Variants in SNTB2 observed in about 807,000 individuals in gnomAD.
SNTB2 encodes the protein beta-2-syntrophin.
Under a neutral mutation model 46.2 loss-of-function variants are expected in SNTB2, and 34 were observed. The observed-to-expected ratio is 0.74, with a 90% CI of 0.56 to 0.98. The LOEUF (loss-of-function observed/expected upper bound fraction) is 0.98. SNTB2 is among the 50% of genes least tolerant of loss of function. SNTB2 has a pLI of 0.00. For missense variants in SNTB2, 603 were observed against 731.4 expected (o/e 0.82, Z 2.02); for synonymous variants, 290 against 312.6 (o/e 0.93, Z 0.76).
chr16:69,200,156 C>T (rs536516314), intron 1 of SNTB2, among the ~76,000 whole-genome samples: 11 of 152,254 alleles, frequency 7.2e-5, no homozygotes, highest in African/African-American at 2.6e-4. Context: ...CCTCGTGATC[C>T]GCCTGCCTCG....
intron 1 of SNTB2, among the ~76,000 whole-genome samples, chr16:69,199,324 GC>G (rs1964137165): frequency 6.6e-6 from 1 of 152,158 alleles, no homozygotes; most frequent in Admixed American, 6.6e-5. Context: ...GATGTGAAGT[GC>G]CAGATAAAAT....
intron 1 of SNTB2, among the ~76,000 whole-genome samples, chr16:69,198,896 G>GTT (rs1206371769): frequency 0.021 from 2,652 of 127,624 alleles, 106 homozygotes; most frequent in African/African-American, 0.07. Context: ...ATATAATAAT[G>GTT]TTTTTTTTTT....
At chr16:69,254,943 G>A (rs1964759197) in intron 2 of SNTB2, among the ~76,000 whole-genome samples, 1 of 152,108 alleles carries the variant, frequency 6.6e-6, no homozygotes, top group African/African-American at 2.4e-5. Flanking sequence ...TCTTAGGATG[G>A]AAGAATTTCT....
At chr16:69,205,689 TAGG>T (rs1243717139) in intron 1 of SNTB2, among the ~76,000 whole-genome samples, 1 of 152,134 alleles carries the variant, frequency 6.6e-6, no homozygotes, top group Non-Finnish European at 1.5e-5. Context: ...TTTCCTTCAT[TAGG>T]CATTTCCAAC....
In SNTB2 at chr16:69,308,044, G is replaced by T. The variant is rs1965328659; in HGVS notation, c.*7120G>T. ...AAAGTACCTGAGCTATCAGTGATTG[G>T]AATGGCACAGGAAACCGAATCACAT... On this transcript the variant is annotated 3_prime_UTR_variant, in exon 7 of 7. Transcript: ENST00000336278. The T allele has an allele frequency of 1.3e-5, 2 of 152,504 alleles. 1 individual carries two copies. Among genetic ancestry groups the T allele is most frequent in the South Asian group, 4.1e-4 (2 of 4,834 alleles). The allele number at this position is 152,504 out of a possible 1,614,324, so 9.4% of individuals were successfully genotyped here.
intron 1 of SNTB2, among the ~76,000 whole-genome samples, chr16:69,235,193 T>C (rs1487635221): frequency 3.3e-5 from 5 of 150,938 alleles, no homozygotes; most frequent in Admixed American, 1.3e-4. Flanking sequence ...TTTTTTTTTT[T>C]CCAAAGTGGT....
chr16:69,296,508 G>A (rs1965225535), intron 5 of SNTB2, among the ~76,000 whole-genome samples: 1 of 151,534 alleles, frequency 6.6e-6, no homozygotes, highest in Non-Finnish European at 1.5e-5. Context: ...ATTACCTGAG[G>A]TCAGGAGTTT....
chr16:69,276,932 A>G (rs1964989943), intron 4 of SNTB2, among the ~76,000 whole-genome samples: 1 of 152,202 alleles, frequency 6.6e-6, no homozygotes, highest in Non-Finnish European at 1.5e-5. Context: ...AATTTTATTT[A>G]ATCTTGACCC....
At chr16:69,286,807 G>T (rs1322206570) in intron 5 of SNTB2, among the ~76,000 whole-genome samples, 1 of 151,964 alleles carries the variant, frequency 6.6e-6, no homozygotes, top group African/African-American at 2.4e-5. Flanking sequence ...CCATTTCAGG[G>T]CTGTAGTGCA....
chr16:69,206,193 TCTCA>T (rs1342165837), intron 1 of SNTB2, among the ~76,000 whole-genome samples: 1 of 152,114 alleles, frequency 6.6e-6, no homozygotes, highest in East Asian at 1.9e-4. Context: ...GAGACAGGGT[TCTCA>T]CTATGTTGCC....
chr16:69,187,767 G>T, intron 1 of SNTB2, 21 bp downstream of exon 1: 2 of 1,362,352 alleles, frequency 1.5e-6, no homozygotes, highest in South Asian at 1.5e-5. Context: ...CCGGGCGGGA[G>T]GGTGGGCAGG....
Position 69,270,365 on chromosome 16 carries a change from A to G in SNTB2, c.1148+80A>G, listed in dbSNP as rs1249750969. On this transcript the variant is annotated intron_variant, in intron 4 of 6. Transcript: ENST00000336278. The stretch of plus-strand genomic sequence containing the variant: ...AAAGAATTTTAAAGTGAATTCTGTT[A>G]TCTTAGGTGCCTAAAAGAGCATTTA... The G allele has an allele frequency of 1.2e-5, 18 of 1,546,780 alleles. No individual in the cohort carries two copies. The East Asian group carries it at 3.6e-4, about 31-fold the overall frequency.
rs1248559839 is a variant in SNTB2 at position 69,193,414 on chromosome 16, C to T, written c.580+5668C>T. On this transcript the variant is annotated intron_variant, in intron 1 of 6. Coordinates refer to ENST00000336278, the MANE Select transcript of SNTB2 (RefSeq NM_006750.4). ...CACCATCTCGGCTCACTGCAACCTC[C>T]GCCTCCTGGGTTCAAGAAATTCTCC... Among the ~76,000 whole-genome samples the T allele has an allele frequency of 2.7e-5, 4 of 149,382 alleles. No individual in the cohort carries two copies. In the South Asian group the frequency reaches 8.4e-4, roughly 32 times the overall value.
Position 69,278,889 on chromosome 16 carries a change from A to AGTGTGTGTGTGT in SNTB2, c.1149-5126_1149-5115dup, listed in dbSNP as rs71148981. Among the ~76,000 whole-genome samples the AGTGTGTGTGTGT allele has an allele frequency of 3.5e-4, 49 of 141,004 alleles. 1 individual carries two copies. Among genetic ancestry groups the AGTGTGTGTGTGT allele is most frequent in the African/African-American group, 9.0e-4 (34 of 37,918 alleles). The allele number at this position is 141,004 out of a possible 152,430, so 92.5% of individuals were successfully genotyped here. A position where few individuals can be genotyped will look rare whatever the true frequency, so the allele number is the denominator to read the frequency against. Reference sequence around the variant, plus strand: ...TTTATTGATGGACAGAGGTGGGAAGAGTGTGTGTGTGTGTGTGTGTGTGTG... The same window carrying AGTGTGTGTGTGT: ...TTTATTGATGGACAGAGGTGGGAAGAGTGTGTGTGTGTGTGTGTGTGTGTGTGTGTGTGTGTG... On this transcript the variant is annotated intron_variant, in intron 4 of 6. Transcript: ENST00000336278.
chr16:69,267,372 C>G (rs1267396519), intron 3 of SNTB2, among the ~76,000 whole-genome samples: 1 of 152,092 alleles, frequency 6.6e-6, no homozygotes, highest in Non-Finnish European at 1.5e-5. Flanking sequence ...TATGATATAA[C>G]CTATTGAAAT....
chr16:69,223,930 G>A (rs1964432924), intron 1 of SNTB2, among the ~76,000 whole-genome samples: 1 of 151,948 alleles, frequency 6.6e-6, no homozygotes, highest in Non-Finnish European at 1.5e-5. Context: ...ACACCCGGCC[G>A]ACAGTTCTTC....
At position 69,187,230 on chromosome 16, in the gene SNTB2, G is replaced by A; in HGVS notation, c.64G>A (p.Ala22Thr). Residue 22 changes from alanine to threonine, a missense_variant, in exon 1 of 7, where the codon GCC becomes ACC. This residue lies in a region of SNTB2 where 66 missense variants were observed against 39.0 expected (regional missense o/e 1.69). Coordinates refer to ENST00000336278, the MANE Select transcript of SNTB2 (RefSeq NM_006750.4). ...AGPAMAVWTR[A>T]TKAGLVELLL... The stretch of plus-strand genomic sequence containing the variant: ...GCCGGCCATGGCGGTGTGGACGCGG[G>A]CCACCAAAGCGGGGCTGGTGGAGCT... 1 of 1,452,012 alleles carries A rather than the reference G, an allele frequency of 6.9e-7. No individual in the cohort carries two copies. The highest frequency in any genetic ancestry group is 9.1e-7 in the Non-Finnish European group (1 of 1,104,386). The allele number at this position is 1,452,012 out of a possible 1,614,324, so 89.9% of individuals were successfully genotyped here. A position where few individuals can be genotyped will look rare whatever the true frequency, so the allele number is the denominator to read the frequency against.
intron 1 of SNTB2, among the ~76,000 whole-genome samples, chr16:69,192,851 T>A: frequency 6.6e-6 from 1 of 152,290 alleles, no homozygotes; most frequent in Non-Finnish European, 1.5e-5. Context: ...AAAAGAAATA[T>A]AAAATTCAAA....
rs1452317662 is a variant in SNTB2, at chr16:69,300,959, C to A, written c.*35C>A. The A allele has an allele frequency of 1.3e-5, 16 of 1,242,720 alleles. No homozygotes were observed. Among genetic ancestry groups the A allele is most frequent in the Admixed American group, 1.9e-5 (1 of 53,078 alleles). 77.0% of individuals were successfully genotyped at this position (1,242,720 alleles called of 1,614,324 possible). On this transcript the variant is annotated 3_prime_UTR_variant, in exon 7 of 7. Transcript: ENST00000336278. ...AATCAGAAAAGAGCCTTGACTGTCA[C>A]AAGAAATATTTCCACCTCAAAAAAA...
Sources: gnomAD v4.1 joint callset for allele counts (sites outside exome capture counted in the v4.1 genomes callset) on GRCh38, gnomAD v4.1.1 for gene constraint, gnomAD v4.1.1 regional missense constraint, MANE v1.5 for transcripts, NCBI Gene and HGNC (gene_info 2026-07-23, HGNC 2026-07-21) for gene names.